Variants in PTPRM observed in about 807,000 individuals in gnomAD.
The protein encoded by PTPRM is protein tyrosine phosphatase receptor type M.
PTPRM carries 47 observed loss-of-function variants against 186.7 expected under a neutral mutation model. That is an observed-to-expected ratio of 0.25 (90% CI 0.20 to 0.32). The LOEUF is 0.32. PTPRM is among the 10% of genes least tolerant of loss of function. The pLI, the probability that PTPRM is intolerant of heterozygous loss-of-function variation, is 1.00. For synonymous variants in PTPRM, 668 were observed against 674.9 expected (o/e 0.99, Z 0.16); for missense variants, 1,494 against 1,865.0 (o/e 0.80, Z 3.66).
rs191845348 is a variant in PTPRM, at chr18:8,354,749, T to A, written c.3054+11229T>A. On this transcript the variant is annotated intron_variant, in intron 23 of 32. Coordinates refer to ENST00000580170, the MANE Select transcript of PTPRM (RefSeq NM_001105244.2). Reference sequence around the variant, plus strand: ...GTGCCCCCCGTTAGCACTGGAGATGTCTTTGGTACGTACCAAGTTCCCATG... The same window carrying A: ...GTGCCCCCCGTTAGCACTGGAGATGACTTTGGTACGTACCAAGTTCCCATG... Among the ~76,000 whole-genome samples the A allele has an allele frequency of 2.3e-4, 35 of 152,318 alleles. 1 individual carries two copies. The East Asian group carries it at 6.6e-3, about 29-fold the overall frequency.
intron 1 of PTPRM, among the ~76,000 whole-genome samples, chr18:7,769,991 G>A (rs9958101): frequency 0.053 from 8,024 of 152,106 alleles, 665 homozygotes; most frequent in African/African-American, 0.18. Flanking sequence ...GGGTTTAGTC[G>A]TGATTTAGTC....
intron 1 of PTPRM, among the ~76,000 whole-genome samples, chr18:7,728,925 CT>C (rs113386099): frequency 2.9e-3 from 407 of 138,516 alleles, no homozygotes; most frequent in Admixed American, 3.0e-3. Context: ...TTCCTCCAAC[CT>C]TTTTTTTTTT....
At chr18:7,900,316 ATTC>A (rs1193714450) in intron 3 of PTPRM, among the ~76,000 whole-genome samples, 1 of 152,204 alleles carries the variant, frequency 6.6e-6, no homozygotes, top group African/African-American at 2.4e-5. Flanking sequence ...ATCACAAAAT[ATTC>A]TTCTTTCTGT....
chr18:7,737,285 C>T (rs1009281397), intron 1 of PTPRM, among the ~76,000 whole-genome samples: 5 of 149,842 alleles, frequency 3.3e-5, no homozygotes, highest in Non-Finnish European at 3.0e-5. Flanking sequence ...TTAGTGGTGA[C>T]GGGGTTTTAC....
chr18:7,876,160 C>G lies in PTPRM; in HGVS notation c.197-11946C>G, dbSNP rs548190013. Among the ~76,000 whole-genome samples, 6 of 151,708 alleles carry G rather than the reference C, an allele frequency of 4.0e-5. No individual in the cohort carries two copies. The East Asian group carries it at 1.2e-3, about 29-fold the overall frequency. ...TGTGCATGTGTGTGTGTGAGAAATT[C>G]AAAACGTCTGTATTGATATAAACTC... On this transcript the variant is annotated intron_variant, in intron 2 of 32. Coordinates refer to ENST00000580170, the MANE Select transcript of PTPRM (RefSeq NM_001105244.2).
At chr18:7,876,683 ATGT>A (rs1337676137) in intron 2 of PTPRM, among the ~76,000 whole-genome samples, 2 of 152,182 alleles carry the variant, frequency 1.3e-5, no homozygotes, top group African/African-American at 4.8e-5. Flanking sequence ...GCATGTTCAC[ATGT>A]TGTTCCTTTC....
chr18:7,878,744 T>TC (rs1162893111), intron 2 of PTPRM, among the ~76,000 whole-genome samples: 2 of 152,144 alleles, frequency 1.3e-5, no homozygotes, highest in Non-Finnish European at 2.9e-5. Context: ...GGCTTTTTTT[T>TC]CACATGTGGA....
intron 3 of PTPRM, 63 bp downstream of exon 3, chr18:7,888,440 T>C (rs2048896144): frequency 2.0e-6 from 3 of 1,465,044 alleles, no homozygotes; most frequent in Non-Finnish European, 2.7e-6. Context: ...ATATAAATTA[T>C]TGTTATATCA....
intron 30 of PTPRM, among the ~76,000 whole-genome samples, 175 bp from the exon 31 acceptor site, chr18:8,386,897 C>G (rs2095778206): frequency 6.6e-6 from 1 of 152,190 alleles, no homozygotes; most frequent in Non-Finnish European, 1.5e-5. Flanking sequence ...TTGTTTTTAA[C>G]TGCTCGAGAT....
chr18:8,119,237 G>T (rs1197301630), intron 13 of PTPRM, among the ~76,000 whole-genome samples: 1 of 152,060 alleles, frequency 6.6e-6, no homozygotes, highest in African/African-American at 2.4e-5. Flanking sequence ...ATAATTTCTA[G>T]ATTCAGAAAT....
intron 13 of PTPRM, among the ~76,000 whole-genome samples, chr18:8,125,156 G>A (rs1362510253): frequency 1.3e-5 from 2 of 150,908 alleles, no homozygotes; most frequent in Non-Finnish European, 2.9e-5. Flanking sequence ...GTTACAGTGA[G>A]CTGAGATCAA....
intron 11 of PTPRM, among the ~76,000 whole-genome samples, chr18:8,102,305 A>G (rs1375570112): frequency 6.6e-6 from 1 of 152,172 alleles, no homozygotes; most frequent in Non-Finnish European, 1.5e-5. Context: ...ACATCAGTTG[A>G]CTTTGCTTTT....
chr18:7,949,820 G>C (rs564689591), intron 6 of PTPRM, among the ~76,000 whole-genome samples: 8 of 150,602 alleles, frequency 5.3e-5, no homozygotes, highest in Non-Finnish European at 1.2e-4. Flanking sequence ...TAATGTTCCA[G>C]TTAGGTTCTA....
At chr18:7,956,452 A>G (rs968906460) in intron 7 of PTPRM, among the ~76,000 whole-genome samples, 2 of 152,224 alleles carry the variant, frequency 1.3e-5, no homozygotes, top group Non-Finnish European at 2.9e-5. Flanking sequence ...ATTTTAAAAA[A>G]GACTTTTGTT....
At chr18:7,904,591 C>T (rs539552439) in intron 3 of PTPRM, among the ~76,000 whole-genome samples, 2 of 152,294 alleles carry the variant, frequency 1.3e-5, no homozygotes, top group South Asian at 4.2e-4. Context: ...TTAGGTACAT[C>T]ATTAATTTGC....
chr18:8,335,766 A>G (rs1445811229), intron 22 of PTPRM, among the ~76,000 whole-genome samples: 1 of 152,118 alleles, frequency 6.6e-6, no homozygotes, highest in Non-Finnish European at 1.5e-5. Flanking sequence ...TCACGCCTGT[A>G]ATCCCAGCAC....
intron 20 of PTPRM, among the ~76,000 whole-genome samples, chr18:8,305,568 A>G (rs2095212670): frequency 1.3e-5 from 2 of 152,210 alleles, no homozygotes; most frequent in African/African-American, 4.8e-5. Flanking sequence ...AGAAAGCAGC[A>G]TAACTGAGAT....
chr18:7,595,473 T>A (rs2037233017), intron 1 of PTPRM, among the ~76,000 whole-genome samples: 1 of 152,204 alleles, frequency 6.6e-6, no homozygotes, highest in Non-Finnish European at 1.5e-5. Flanking sequence ...GTGATTTTGT[T>A]CTGGCATAGT....
chr18:7,978,947 C>T (rs1380501616), intron 7 of PTPRM, among the ~76,000 whole-genome samples: 1 of 152,094 alleles, frequency 6.6e-6, no homozygotes, highest in African/African-American at 2.4e-5. Flanking sequence ...ATGGAGCTGA[C>T]AGAACTTAGC....
Sources: allele counts gnomAD v4.1 joint callset (sites outside exome capture counted in the v4.1 genomes callset), GRCh38; gene constraint gnomAD v4.1.1; transcripts MANE v1.5; gene names NCBI Gene and HGNC (gene_info 2026-07-23, HGNC 2026-07-21).